Variants in FSHR observed in about 807,000 individuals in gnomAD.
The protein encoded by FSHR is follicle stimulating hormone receptor, also known as follicle-stimulating hormone receptor.
In FSHR, 46 loss-of-function variants were observed where a neutral mutation model predicts 52.1. The observed-to-expected ratio is 0.88, with a 90% CI of 0.70 to 1.13. The LOEUF (loss-of-function observed/expected upper bound fraction) is 1.13, where lower values mean the gene tolerates loss of function less well. FSHR is among the 50% of genes most tolerant of loss of function. The pLI is 0.00. For synonymous variants in FSHR, 399 were observed against 309.6 expected (o/e 1.29, Z -3.03); for missense variants, 964 against 834.6 (o/e 1.16, Z -1.91).
At chr2:49,113,517 G>C (rs1269483417) in intron 1 of FSHR, among the ~76,000 whole-genome samples, 2 of 152,174 alleles carry the variant, frequency 1.3e-5, no homozygotes, top group Non-Finnish European at 2.9e-5. Flanking sequence ...TAGCTCAGCA[G>C]GTTAGGAAAC....
In FSHR at chr2:49,088,473, T is replaced by G. The variant is rs148780801; in HGVS notation, c.153-20183A>C. 4.8e-3 allele frequency among the ~76,000 whole-genome samples: 727 copies of G among 152,330 alleles called. 3 individuals carry two copies. The highest frequency in any genetic ancestry group is 0.016 in the African/African-American group (668 of 41,576). On this transcript the variant is annotated intron_variant, in intron 1 of 9. Transcript: ENST00000406846. ...GAATTGAACTTTTGTTACTCTAGAT[T>G]CTGCACCCCGGTTGGGATAATTCAG...
intron 2 of FSHR, among the ~76,000 whole-genome samples, chr2:49,043,657 A>T (rs935168342): frequency 3.3e-5 from 5 of 152,150 alleles, no homozygotes. Flanking sequence ...GGTGGGGCAT[A>T]AAAAAACCAA....
chr2:49,086,874 T>C (rs1403417560), intron 1 of FSHR, among the ~76,000 whole-genome samples: 2 of 152,116 alleles, frequency 1.3e-5, no homozygotes, highest in Non-Finnish European at 2.9e-5. Flanking sequence ...TCTCAGGTGA[T>C]CTGCCTGCCT....
chr2:49,013,485 A>AAT lies in FSHR; in HGVS notation c.374+4002_374+4003dup, dbSNP rs1194815128. Among the ~76,000 whole-genome samples the AAT allele has an allele frequency of 3.6e-3, 341 of 95,726 alleles. 3 individuals carry two copies. The East Asian group carries it at 0.05, about 14-fold the overall frequency. 62.8% of individuals were successfully genotyped at this position (95,726 alleles called of 152,430 possible). ...ATAAATATATATATATATATAAATA[A>AAT]ATATATATATATATAAATATATATA... On this transcript the variant is annotated intron_variant, in intron 4 of 9. Coordinates refer to ENST00000406846, the MANE Select transcript of FSHR (RefSeq NM_000145.4).
At chr2:49,079,803 C>G (rs1670099146) in intron 1 of FSHR, among the ~76,000 whole-genome samples, 1 of 151,844 alleles carries the variant, frequency 6.6e-6, no homozygotes, top group Non-Finnish European at 1.5e-5. Flanking sequence ...AATGTCTGTT[C>G]AGAAGACTTT....
At chr2:48,982,100 C>G (rs561622998) in intron 8 of FSHR, among the ~76,000 whole-genome samples, 9 of 152,232 alleles carry the variant, frequency 5.9e-5, no homozygotes, top group African/African-American at 7.2e-5. Flanking sequence ...TTTTAAAAAG[C>G]CTTTTTGTGA....
At chr2:49,072,702 T>C (rs1669781729) in intron 1 of FSHR, among the ~76,000 whole-genome samples, 1 of 152,192 alleles carries the variant, frequency 6.6e-6, no homozygotes, top group Non-Finnish European at 1.5e-5. Flanking sequence ...TTTGCAATTA[T>C]AAGGTTAAGT....
At chr2:49,013,700 G>A (rs945554037) in intron 4 of FSHR, among the ~76,000 whole-genome samples, 4 of 151,390 alleles carry the variant, frequency 2.6e-5, no homozygotes, top group Non-Finnish European at 5.9e-5. Flanking sequence ...ACTCCCTAAT[G>A]GGAAATCTAC....
intron 2 of FSHR, among the ~76,000 whole-genome samples, chr2:49,031,230 T>C (rs1383858666): frequency 2.0e-5 from 3 of 152,198 alleles, no homozygotes; most frequent in South Asian, 2.1e-4. Flanking sequence ...TCATTCCTCA[T>C]GTTAGCAGCT....
chr2:48,975,928 C>T (rs938796077), intron 8 of FSHR, among the ~76,000 whole-genome samples: 16 of 152,206 alleles, frequency 1.1e-4, no homozygotes, highest in Middle Eastern at 3.4e-3. Context: ...TCATGTCATC[C>T]GCAAACGGAC....
chr2:49,075,717 T>C (rs1669926935), intron 1 of FSHR, among the ~76,000 whole-genome samples: 1 of 152,148 alleles, frequency 6.6e-6, no homozygotes, highest in Non-Finnish European at 1.5e-5. Context: ...AGCCTTGACT[T>C]CCTGGGCTTA....
intron 8 of FSHR, among the ~76,000 whole-genome samples, chr2:48,969,364 C>T (rs1433975673): frequency 6.6e-6 from 1 of 152,210 alleles, no homozygotes; most frequent in Admixed American, 6.5e-5. Flanking sequence ...GAAGAAGAGT[C>T]TGGCAGGCGG....
In FSHR at chr2:48,962,719, T is replaced by A; in HGVS notation, c.*14A>T. On this transcript the variant is annotated 3_prime_UTR_variant, in exon 10 of 10. Transcript: ENST00000406846. The stretch of plus-strand genomic sequence containing the variant: ...ATTATCATTCAATACTCAGATACAT[T>A]TTCACATTGTGTTTTAGTTTTGGGC... The A allele has an allele frequency of 6.2e-7, 1 of 1,611,044 alleles. No homozygotes were observed. Among genetic ancestry groups the A allele is most frequent in the Non-Finnish European group, 8.5e-7 (1 of 1,177,212 alleles).
At chr2:49,039,893 T>G (rs1668420601) in intron 2 of FSHR, among the ~76,000 whole-genome samples, 1 of 146,296 alleles carries the variant, frequency 6.8e-6, no homozygotes, top group Non-Finnish European at 1.5e-5. Flanking sequence ...TTATGTAAAA[T>G]TTTTGTTCTT....
intron 3 of FSHR, 90 bp from the exon 4 acceptor site, chr2:49,017,653 T>C (rs1667536354): frequency 2.1e-6 from 2 of 931,076 alleles, no homozygotes; most frequent in East Asian, 5.2e-5. Context: ...AATAAATCAT[T>C]CATCCCATCC....
intron 2 of FSHR, among the ~76,000 whole-genome samples, chr2:49,049,850 T>C (rs910730475): frequency 2.2e-5 from 3 of 134,552 alleles, no homozygotes; most frequent in Non-Finnish European, 4.9e-5. Context: ...TATATATATA[T>C]AATAAAAACC....
intron 4 of FSHR, among the ~76,000 whole-genome samples, chr2:49,009,414 G>C (rs529130484): frequency 6.6e-6 from 1 of 151,760 alleles, no homozygotes; most frequent in South Asian, 2.1e-4. Context: ...GTACCATGCC[G>C]TTTTGGTTAC....
At chr2:48,969,733 G>T (rs77423763) in intron 8 of FSHR, among the ~76,000 whole-genome samples, 1 of 152,210 alleles carries the variant, frequency 6.6e-6, no homozygotes. Context: ...CTGTCCATTA[G>T]ACCTCAGCAC....
intron 6 of FSHR, among the ~76,000 whole-genome samples, chr2:48,987,961 C>T (rs1316739519): frequency 6.6e-6 from 1 of 152,016 alleles, no homozygotes; most frequent in Non-Finnish European, 1.5e-5. Context: ...ATTTTGAATA[C>T]ATTCCTTTGA....
Sources: allele counts gnomAD v4.1 joint callset (sites outside exome capture counted in the v4.1 genomes callset), GRCh38; gene constraint gnomAD v4.1.1; transcripts MANE v1.5; gene names NCBI Gene and HGNC (gene_info 2026-07-23, HGNC 2026-07-21).